Variants in UMAD1 observed in about 807,000 individuals in gnomAD.
UMAD1 encodes the protein UBAP1-MVB12-associated (UMA)-domain containing protein 1.
UMAD1 carries 8 observed loss-of-function variants against 6.1 expected under a neutral mutation model. That is an observed-to-expected ratio of 1.30 (90% confidence interval 0.76 to 2.35). UMAD1 has a LOEUF of 2.35. Ranked by LOEUF, UMAD1 falls within the 30% of genes most tolerant of loss-of-function variation. The probability of loss-of-function intolerance (pLI) is 0.00; values close to 1 mark genes in which losing one functional copy is unlikely to be tolerated. For synonymous variants in UMAD1, 56 were observed against 31.4 expected (o/e 1.78, Z -2.61); for missense variants, 130 against 78.4 (o/e 1.66, Z -2.49).
intron 2 of UMAD1, among the ~76,000 whole-genome samples, chr7:7,695,623 A>T (rs935960406): frequency 6.6e-6 from 1 of 152,104 alleles, no homozygotes. Context: ...TGGAATTTCT[A>T]CTCACAGGAT....
chr7:7,796,647 A>G lies in UMAD1; in HGVS notation c.83-5023A>G, dbSNP rs375993872. On this transcript the variant is annotated intron_variant, in intron 2 of 3. Transcript: ENST00000682710. ...GATAGGATTCTGGTTTTCGTTCAAG[A>G]TAGTGTCCCTGACACTAGAATCATA... Among the ~76,000 whole-genome samples, 11 of 152,318 alleles carry G rather than the reference A, an allele frequency of 7.2e-5. No homozygotes were observed. The East Asian group carries it at 2.1e-3, about 29-fold the overall frequency.
chr7:7,824,805 C>G (rs1283821877), intron 3 of UMAD1, among the ~76,000 whole-genome samples: 1 of 152,128 alleles, frequency 6.6e-6, no homozygotes, highest in African/African-American at 2.4e-5. Context: ...AAATTTCATC[C>G]TGTTAAACTG....
intron 1 of UMAD1, among the ~76,000 whole-genome samples, chr7:7,658,636 C>T (rs1378848573): frequency 2.6e-5 from 4 of 152,150 alleles, no homozygotes; most frequent in Admixed American, 2.0e-4. Context: ...TATGTTGAAC[C>T]AGCCTTGCAT....
At chr7:7,714,808 A>T (rs1780852744) in intron 2 of UMAD1, among the ~76,000 whole-genome samples, 1 of 150,852 alleles carries the variant, frequency 6.6e-6, no homozygotes, top group South Asian at 2.1e-4. Flanking sequence ...ACTTGTGTAG[A>T]GTAATTTTTT....
chr7:7,666,753 T>C (rs952230789), intron 1 of UMAD1, among the ~76,000 whole-genome samples: 7 of 152,158 alleles, frequency 4.6e-5, no homozygotes, highest in Admixed American at 1.3e-4. Context: ...TTATCAAATA[T>C]GTGATTTCCA....
intron 3 of UMAD1, among the ~76,000 whole-genome samples, chr7:7,812,801 CTT>C: frequency 7.0e-6 from 1 of 143,804 alleles, no homozygotes; most frequent in African/African-American, 2.6e-5. Context: ...ACACAGCCAT[CTT>C]TTTTTTTTTT....
At chr7:7,855,585 G>A (rs572316233) in intron 3 of UMAD1, among the ~76,000 whole-genome samples, 15 of 152,324 alleles carry the variant, frequency 9.8e-5, no homozygotes, top group Admixed American at 3.9e-4. Context: ...CAGCAGGGGG[G>A]GCCCTAGACC....
At chr7:7,812,942 C>A (rs1783049563) in intron 3 of UMAD1, among the ~76,000 whole-genome samples, 1 of 151,982 alleles carries the variant, frequency 6.6e-6, no homozygotes, top group South Asian at 2.1e-4. Flanking sequence ...TGTCTTCCGA[C>A]CACTAGAGAT....
intron 3 of UMAD1, among the ~76,000 whole-genome samples, chr7:7,840,735 C>T (rs1444158866): frequency 1.3e-5 from 2 of 152,078 alleles, no homozygotes; most frequent in Admixed American, 1.3e-4. Flanking sequence ...GGAAAGTCTC[C>T]AGATGTTTTA....
intron 2 of UMAD1, among the ~76,000 whole-genome samples, chr7:7,725,675 C>T (rs1781126226): frequency 2.6e-5 from 4 of 152,312 alleles, no homozygotes; most frequent in Admixed American, 6.5e-5. Flanking sequence ...AGCATTCCAT[C>T]ATCAAATGGA....
intron 3 of UMAD1, among the ~76,000 whole-genome samples, chr7:7,871,030 A>G (rs890321943): frequency 1.3e-5 from 2 of 152,224 alleles, no homozygotes; most frequent in African/African-American, 2.4e-5. Context: ...GTCTGTTTCA[A>G]TAATTATCAA....
intron 1 of UMAD1, among the ~76,000 whole-genome samples, chr7:7,643,070 C>A (rs1324265867): frequency 2.0e-5 from 3 of 152,064 alleles, no homozygotes; most frequent in Non-Finnish European, 4.4e-5. Context: ...CTCCCCCAAC[C>A]CACTAGAAAT....
At chr7:7,819,069 C>T (rs142991663) in intron 3 of UMAD1, among the ~76,000 whole-genome samples, 4,377 of 152,172 alleles carry the variant, frequency 0.029, 139 homozygotes, top group African/African-American at 0.066. Flanking sequence ...AGGCTGGTCT[C>T]GAACTCCTGA....
chr7:7,718,296 T>A (rs1195662798), intron 2 of UMAD1, among the ~76,000 whole-genome samples: 1 of 152,210 alleles, frequency 6.6e-6, no homozygotes, highest in Non-Finnish European at 1.5e-5. Context: ...TAAAACTATT[T>A]TGATATTTTT....
rs1004397742 is a variant in UMAD1 at position 7,827,254 on chromosome 7, G to A, written c.156+25511G>A. Among the ~76,000 whole-genome samples the A allele has an allele frequency of 4.6e-5, 7 of 150,626 alleles. No individual in the cohort carries two copies. In the East Asian group the frequency reaches 9.9e-4, roughly 21 times the overall value. ...AATCATGTAGTAAAAATAAAATCAC[G>A]TAGTGTAGACTAAATTCTATAGGAA... On this transcript the variant is annotated intron_variant, in intron 3 of 3. Coordinates refer to ENST00000682710, the MANE Select transcript of UMAD1 (RefSeq NM_001302348.2).
intron 2 of UMAD1, among the ~76,000 whole-genome samples, chr7:7,797,642 A>G (rs1422760473): frequency 6.6e-6 from 1 of 152,030 alleles, no homozygotes; most frequent in Non-Finnish European, 1.5e-5. Context: ...ATGATACTCT[A>G]ATGACCATTC....
intron 2 of UMAD1, among the ~76,000 whole-genome samples, chr7:7,798,573 G>A (rs62434088): frequency 0.06 from 9,163 of 152,252 alleles, 381 homozygotes; most frequent in Non-Finnish European, 0.087. Context: ...GCAAAAAGGA[G>A]TAATGAAAAC....
intron 2 of UMAD1, among the ~76,000 whole-genome samples, chr7:7,690,249 C>G (rs901980914): frequency 6.6e-6 from 1 of 152,022 alleles, no homozygotes; most frequent in African/African-American, 2.4e-5. Flanking sequence ...AAATGTATTT[C>G]CAAAACGCTG....
intron 2 of UMAD1, among the ~76,000 whole-genome samples, chr7:7,726,621 C>G (rs1057012963): frequency 7.2e-5 from 11 of 152,198 alleles, no homozygotes; most frequent in Non-Finnish European, 1.5e-4. Context: ...CACCCTCACC[C>G]CTAGTGACCC....
Sources: allele counts gnomAD v4.1 joint callset (sites outside exome capture counted in the v4.1 genomes callset), GRCh38; gene constraint gnomAD v4.1.1; transcripts MANE v1.5; gene names NCBI Gene and HGNC (gene_info 2026-07-23, HGNC 2026-07-21).